Variants in REEP3 observed in about 807,000 individuals in gnomAD.
The protein encoded by REEP3 is receptor accessory protein 3, also known as receptor expression-enhancing protein 3.
In REEP3, 20 loss-of-function variants were observed where a neutral mutation model predicts 41.3. That is an observed-to-expected ratio of 0.48 (90% CI 0.34 to 0.70). REEP3 has a LOEUF of 0.70. Among genes scored for constraint, REEP3 ranks in the 30% least tolerant of loss-of-function variants. The pLI, the probability that REEP3 is intolerant of heterozygous loss-of-function variation, is 0.01. For missense variants in REEP3, 271 were observed against 308.8 expected, an observed-to-expected ratio of 0.88 and a Z score of 0.92; for synonymous variants, 104 against 101.8, an observed-to-expected ratio of 1.02 and a Z score of -0.13.
intron 7 of REEP3, 81 bp from the exon 8 acceptor site, chr10:63,620,732 T>C: frequency 3.5e-6 from 3 of 864,674 alleles, no homozygotes; most frequent in Non-Finnish European, 3.5e-6. Context: ...AAAAAATTAC[T>C]ATGATTATGA....
chr10:63,590,755 T>C (rs1318251297), intron 2 of REEP3, among the ~76,000 whole-genome samples: 1 of 152,226 alleles, frequency 6.6e-6, no homozygotes, highest in Non-Finnish European at 1.5e-5. Context: ...TCATTATTCA[T>C]TGTTCTTGTG....
At chr10:63,595,233 A>G (rs1168922968) in intron 3 of REEP3, among the ~76,000 whole-genome samples, 1 of 152,130 alleles carries the variant, frequency 6.6e-6, no homozygotes, top group Non-Finnish European at 1.5e-5. Context: ...TCCCTATCCT[A>G]TCCTTAAAAC....
In REEP3 at chr10:63,574,678, G is replaced by A. The variant is rs114432823; in HGVS notation, c.105+8268G>A. On this transcript the variant is annotated intron_variant, in intron 2 of 7. Transcript: ENST00000373758. ...ACTATCTTGTTGTTTCATTTGTGTGGTGTTCTCTGTGTTCTTACTCTGTAT... is the reference window on the plus strand; with the variant it reads ...ACTATCTTGTTGTTTCATTTGTGTGATGTTCTCTGTGTTCTTACTCTGTAT... Among the ~76,000 whole-genome samples, 1,397 of 151,876 alleles carry A rather than the reference G, an allele frequency of 9.2e-3. 21 individuals carry two copies. Among genetic ancestry groups the A allele is most frequent in the African/African-American group, 0.032 (1,319 of 41,392 alleles).
intron 1 of REEP3, among the ~76,000 whole-genome samples, chr10:63,537,666 A>G (rs1249978337): frequency 6.6e-6 from 1 of 152,210 alleles, no homozygotes; most frequent in East Asian, 1.9e-4. Flanking sequence ...AGCAACGGAA[A>G]GGAGAGGCTG....
intron 1 of REEP3, among the ~76,000 whole-genome samples, chr10:63,549,736 G>A (rs1179437328): frequency 1.3e-5 from 2 of 152,170 alleles, no homozygotes; most frequent in African/African-American, 4.8e-5. Context: ...AAACAGTTAA[G>A]TAAATGTTTC....
At chr10:63,608,587 G>A (rs1425260263) in intron 5 of REEP3, among the ~76,000 whole-genome samples, 2 of 152,116 alleles carry the variant, frequency 1.3e-5, no homozygotes, top group East Asian at 1.9e-4. Flanking sequence ...TGTGTGAAAC[G>A]AAGAAATAAT....
chr10:63,539,795 TTC>T (rs1380774222), intron 1 of REEP3, among the ~76,000 whole-genome samples: 1 of 152,176 alleles, frequency 6.6e-6, no homozygotes, highest in Non-Finnish European at 1.5e-5. Flanking sequence ...TTGCCAAAGA[TTC>T]TGATTTAACT....
intron 5 of REEP3, among the ~76,000 whole-genome samples, chr10:63,608,326 T>G (rs1956247102): frequency 6.6e-6 from 1 of 152,224 alleles, no homozygotes; most frequent in Non-Finnish European, 1.5e-5. Context: ...CGTATCACAA[T>G]TCAAAAATAT....
chr10:63,545,695 T>TTG (rs1955572489), intron 1 of REEP3, among the ~76,000 whole-genome samples: 2 of 143,166 alleles, frequency 1.4e-5, no homozygotes, highest in African/African-American at 2.6e-5. Flanking sequence ...TTTTTTTTTT[T>TTG]TTTTTTTTTT....
chr10:63,592,846 T>C (rs1956077481), intron 2 of REEP3, among the ~76,000 whole-genome samples: 2 of 152,062 alleles, frequency 1.3e-5, no homozygotes, highest in African/African-American at 4.8e-5. Context: ...TAAGCCGAGA[T>C]TGCACCACTG....
chr10:63,555,216 G>T (rs1955666949), intron 1 of REEP3, among the ~76,000 whole-genome samples: 1 of 152,054 alleles, frequency 6.6e-6, no homozygotes, highest in Non-Finnish European at 1.5e-5. Flanking sequence ...TAAACATGGG[G>T]ACCTTTGGTT....
chr10:63,599,207 G>T lies in REEP3; in HGVS notation c.341G>T (p.Gly114Val). The T allele has an allele frequency of 6.3e-7, 1 of 1,592,588 alleles. No homozygotes were observed. Among genetic ancestry groups the T allele is most frequent in the Non-Finnish European group, 8.5e-7 (1 of 1,171,898 alleles). Residue 114 changes from glycine to valine, a missense_variant, in exon 5 of 8, where the codon GGC becomes GTC. Physicochemically the swap from Gly to Val is moderately radical, Grantham distance 109. Coordinates refer to ENST00000373758, the MANE Select transcript of REEP3 (RefSeq NM_001001330.3). The stretch of plus-strand genomic sequence containing the variant: ...TATATTGTACAAGCAAAGGAACGAG[G>T]CTATGAAACCATGGTAAACTTTGGA... ...DDYIVQAKER[G>V]YETMVNFGRQ...
At chr10:63,549,249 C>T (rs547337226) in intron 1 of REEP3, among the ~76,000 whole-genome samples, 16 of 152,240 alleles carry the variant, frequency 1.1e-4, no homozygotes, top group Admixed American at 6.5e-4. Flanking sequence ...CCATAGAAGG[C>T]AGAGGTGTGG....
chr10:63,563,587 G>A (rs1020618882), intron 1 of REEP3, among the ~76,000 whole-genome samples: 2 of 152,138 alleles, frequency 1.3e-5, no homozygotes, highest in African/African-American at 4.8e-5. Flanking sequence ...CTACAGGGCA[G>A]GTAATGTGTA....
At chr10:63,528,029 T>G (rs904315386) in intron 1 of REEP3, among the ~76,000 whole-genome samples, 4 of 152,138 alleles carry the variant, frequency 2.6e-5, no homozygotes, top group African/African-American at 9.7e-5. Flanking sequence ...CCATGTTCCT[T>G]GACTTCTTAA....
At chr10:63,596,178 G>GT (rs2133407466) in intron 3 of REEP3, among the ~76,000 whole-genome samples, 1 of 152,208 alleles carries the variant, frequency 6.6e-6, no homozygotes, top group African/African-American at 2.4e-5. Flanking sequence ...AAACGTCACT[G>GT]TATCTGTCTT....
intron 2 of REEP3, among the ~76,000 whole-genome samples, chr10:63,592,306 A>G (rs1956071489): frequency 6.6e-6 from 1 of 152,214 alleles, no homozygotes; most frequent in Non-Finnish European, 1.5e-5. Flanking sequence ...AGAGGAGTTC[A>G]CCATATTACT....
chr10:63,602,066 A>G (rs1315912459), intron 5 of REEP3, among the ~76,000 whole-genome samples: 1 of 152,186 alleles, frequency 6.6e-6, no homozygotes, highest in Admixed American at 6.5e-5. Flanking sequence ...CCATGAAAAA[A>G]TACATTGGCG....
At chr10:63,537,476 G>T (rs1955485818) in intron 1 of REEP3, among the ~76,000 whole-genome samples, 1 of 152,140 alleles carries the variant, frequency 6.6e-6, no homozygotes, top group Non-Finnish European at 1.5e-5. Context: ...TTCTTAAGTT[G>T]GATGCCGGAT....
Sources: gnomAD v4.1 joint callset for allele counts (sites outside exome capture counted in the v4.1 genomes callset) on GRCh38, gnomAD v4.1.1 for gene constraint, MANE v1.5 for transcripts, NCBI Gene and HGNC (gene_info 2026-07-23, HGNC 2026-07-21) for gene names.